The following CCDC33 variants were observed in gnomAD, a reference collection of about 807,000 sequenced individuals.
CCDC33 encodes coiled-coil domain-containing protein 33.
A neutral mutation model predicts 91.9 loss-of-function variants in CCDC33; 94 were observed. The ratio of observed to expected loss-of-function variants is 1.02; its 90% CI spans 0.87 to 1.21. The LOEUF is 1.21. Among genes scored for constraint, CCDC33 ranks in the 50% most tolerant of loss-of-function variants. The pLI, the probability that CCDC33 is intolerant of heterozygous loss-of-function variation, is 0.00. For synonymous variants in CCDC33, 396 were observed against 374.5 expected, an observed-to-expected ratio of 1.06 and a Z score of -0.66; for missense variants, 940 against 935.5, an observed-to-expected ratio of 1.00 and a Z score of -0.06.
At position 74,283,351 on chromosome 15, in the gene CCDC33, T is replaced by G. The variant is rs115332577; in HGVS notation, c.1095+1502T>G. 9.5e-3 allele frequency among the ~76,000 whole-genome samples: 1,442 copies of G among 152,272 alleles called. 16 individuals are homozygous for G. The highest frequency in any genetic ancestry group is 0.033 in the African/African-American group (1,366 of 41,558). On this transcript the variant is annotated intron_variant, in intron 10 of 18. Coordinates refer to ENST00000398814, the MANE Select transcript of CCDC33 (RefSeq NM_025055.5). Reference sequence around the variant, plus strand: ...TCCCTCTGTCTCCTGCCCCTTCCACTGGGCATGTGTATCCTGGGACTAAAA... The same window carrying G: ...TCCCTCTGTCTCCTGCCCCTTCCACGGGGCATGTGTATCCTGGGACTAAAA...
At chr15:74,237,875 G>T (rs559921478) in intron 1 of CCDC33, among the ~76,000 whole-genome samples, 1 of 152,318 alleles carries the variant, frequency 6.6e-6, no homozygotes, top group East Asian at 1.9e-4. Flanking sequence ...GGCCGGGGGT[G>T]GTGGCTCACG....
intron 7 of CCDC33, among the ~76,000 whole-genome samples, chr15:74,277,131 T>C (rs1463640268): frequency 6.6e-6 from 1 of 152,226 alleles, no homozygotes; most frequent in Non-Finnish European, 1.5e-5. Context: ...AAAACATCCA[T>C]TGTCTCCTTT....
At position 74,298,944 on chromosome 15, in the gene CCDC33, C is replaced by T. The variant is rs111607987; in HGVS notation, c.1290+2996C>T. Among the ~76,000 whole-genome samples, 785 of 152,228 alleles carry T rather than the reference C, an allele frequency of 5.2e-3. 4 individuals carry two copies. The highest frequency in any genetic ancestry group is 0.017 in the African/African-American group (722 of 41,532). ...GCCAGGATAGTCCCAAGCTCTTAAC[C>T]TTGTGATCTGCCCGCCTTGGCCTCC... On this transcript the variant is annotated intron_variant, in intron 11 of 18. Coordinates refer to ENST00000398814, the MANE Select transcript of CCDC33 (RefSeq NM_025055.5).
In CCDC33 at chr15:74,268,334, G is replaced by A. The variant is rs368890316; in HGVS notation, c.430-8G>A. The A allele has an allele frequency of 1.0e-5, 16 of 1,606,818 alleles. No individual in the cohort carries two copies. The highest frequency in any genetic ancestry group is 7.7e-6 in the Non-Finnish European group (9 of 1,173,648). On this transcript the variant is annotated splice_polypyrimidine_tract_variant and splice_region_variant and intron_variant, in intron 4 of 18. Coordinates refer to ENST00000398814, the MANE Select transcript of CCDC33 (RefSeq NM_025055.5). ...CCTCTGTGTCTTCTGCCCCAACCCT[G>A]TCTCCAGCCCACTGAGTCTGGGAAA...
intron 10 of CCDC33, among the ~76,000 whole-genome samples, chr15:74,291,609 C>T (rs1286751343): frequency 6.6e-6 from 1 of 152,236 alleles, no homozygotes; most frequent in African/African-American, 2.4e-5. Context: ...CAAGAAGGCT[C>T]AGGGCGGGGC....
At chr15:74,213,231 CAAAA>C (rs1190573934), upstream of CCDC33, 1 of 139,376 alleles carries the variant, frequency 7.2e-6, no homozygotes, top group South Asian at 2.3e-4. Context: ...AAAAAAAAAA[CAAAA>C]AAAATTCTCA....
chr15:74,294,117 T>C (rs1009136926), intron 10 of CCDC33, among the ~76,000 whole-genome samples: 90 of 152,346 alleles, frequency 5.9e-4, no homozygotes, highest in African/African-American at 1.8e-3. Flanking sequence ...TCTCTGGTTG[T>C]TCAGGGTCAA....
intron 1 of CCDC33, among the ~76,000 whole-genome samples, chr15:74,203,531 T>A (rs966206601): frequency 6.6e-6 from 1 of 152,252 alleles, no homozygotes; most frequent in Non-Finnish European, 1.5e-5. Flanking sequence ...TCTCTGTCCT[T>A]CCAATACCCT....
chr15:74,270,943 G>GACT (rs1459284191), intron 5 of CCDC33, among the ~76,000 whole-genome samples: 5 of 152,148 alleles, frequency 3.3e-5, no homozygotes, highest in Non-Finnish European at 7.4e-5. Context: ...AAGCCTTTAG[G>GACT]GGGTGACAGA....
intron 2 of CCDC33, among the ~76,000 whole-genome samples, chr15:74,219,089 C>T (rs2074521834): frequency 6.6e-6 from 1 of 152,214 alleles, no homozygotes; most frequent in Non-Finnish European, 1.5e-5. Flanking sequence ...GAGCAGGGAG[C>T]CAACCAAGTG....
intron 1 of CCDC33, among the ~76,000 whole-genome samples, chr15:74,203,974 G>A (rs1257517291): frequency 6.6e-6 from 1 of 152,218 alleles, no homozygotes; most frequent in African/African-American, 2.4e-5. Context: ...AGAGTAGACA[G>A]GGCTTGAAAT....
At chr15:74,214,709 G>T (rs1287053621), upstream of CCDC33, among the ~76,000 whole-genome samples, 1 of 152,094 alleles carries the variant, frequency 6.6e-6, no homozygotes, top group East Asian at 1.9e-4. Flanking sequence ...CTCCAACACT[G>T]GTACCCTCCC....
chr15:74,280,953 A>T (rs1211567677), intron 9 of CCDC33, 152 bp downstream of exon 9: 3 of 735,808 alleles, frequency 4.1e-6, no homozygotes, highest in Non-Finnish European at 1.9e-6. Flanking sequence ...CCAGTCTAGA[A>T]GTGAGGAGCT....
intron 2 of CCDC33, chr15:74,209,548 C>T: frequency 9.6e-7 from 1 of 1,041,084 alleles, no homozygotes; most frequent in Non-Finnish European, 1.4e-6. Context: ...TGATCTATTC[C>T]CAGGGGAAGT....
At chr15:74,317,529 G>A (rs907128495) in intron 11 of CCDC33, among the ~76,000 whole-genome samples, 3 of 152,348 alleles carry the variant, frequency 2.0e-5, no homozygotes, top group African/African-American at 7.2e-5. Context: ...TTTTGAAACG[G>A]GTAGAGGTGA....
At chr15:74,319,967 G>C (rs1158831089) in intron 11 of CCDC33, among the ~76,000 whole-genome samples, 1 of 152,212 alleles carries the variant, frequency 6.6e-6, no homozygotes, top group Non-Finnish European at 1.5e-5. Context: ...TTGTTTCTTT[G>C]CCATAACCTT....
downstream of CCDC33, chr15:74,336,235 G>A (rs1324903291): frequency 2.8e-6 from 4 of 1,429,898 alleles, no homozygotes; most frequent in Non-Finnish European, 2.7e-6. Flanking sequence ...TTCTGCTGCA[G>A]CCTTACAGCC....
rs1430788831 is a variant in CCDC33, at chr15:74,295,771, G to A, written c.1113G>A (p.Leu371=). 6.2e-7 allele frequency: 1 copy of A among 1,612,736 alleles called. No individual in the cohort carries two copies. Among genetic ancestry groups the A allele is most frequent in the Non-Finnish European group, 8.5e-7 (1 of 1,179,614 alleles). The part of the protein sequence containing the change: ...LLSSERPENF[L]TPNNSKALPT... ...CTTCTCAGAGACCAGAAAACTTCTT[G>A]ACACCAAACAACAGCAAGGCTCTTC... Residue 371 remains leucine, a synonymous_variant, in exon 11 of 19, where the codon TTG becomes TTA. Transcript: ENST00000398814.
intron 11 of CCDC33, among the ~76,000 whole-genome samples, chr15:74,307,030 C>T (rs941720290): frequency 6.6e-6 from 1 of 152,126 alleles, no homozygotes; most frequent in African/African-American, 2.4e-5. Context: ...AGCCTCCTGG[C>T]GCTGCTCCTT....
Sources: allele counts gnomAD v4.1 joint callset (sites outside exome capture counted in the v4.1 genomes callset), GRCh38; gene constraint gnomAD v4.1.1; transcripts MANE v1.5; gene names NCBI Gene and HGNC (gene_info 2026-07-23, HGNC 2026-07-21).